The following ZDHHC11 variants were observed in gnomAD, a reference collection of about 807,000 sequenced individuals.
ZDHHC11 encodes palmitoyltransferase ZDHHC11.
In ZDHHC11, 44 loss-of-function variants were observed where a neutral mutation model predicts 51.3. The ratio of observed to expected loss-of-function variants is 0.86; its 90% CI spans 0.67 to 1.10. The LOEUF (loss-of-function observed/expected upper bound fraction) is 1.10, where lower values mean the gene tolerates loss of function less well. Ranked by LOEUF, ZDHHC11 falls within the 50% of genes least tolerant of loss-of-function variation. The pLI is 0.00. For synonymous variants in ZDHHC11, 163 were observed against 222.0 expected, an observed-to-expected ratio of 0.73 and a Z score of 2.36; for missense variants, 400 against 537.7, an observed-to-expected ratio of 0.74 and a Z score of 2.53.
intron 11 of ZDHHC11, among the ~76,000 whole-genome samples, chr5:813,570 C>T (rs942132982): frequency 1.1e-4 from 16 of 147,766 alleles, no homozygotes; most frequent in African/African-American, 4.1e-4. Flanking sequence ...TGAATAATGT[C>T]GGCCGTGTCA....
chr5:837,986 G>C (rs1244743723), intron 5 of ZDHHC11, among the ~76,000 whole-genome samples: 1 of 151,976 alleles, frequency 6.6e-6, no homozygotes, highest in African/African-American at 2.4e-5. Context: ...CACAGTCGGA[G>C]GACCACGCAG....
chr5:809,191 C>T (rs1739757994), intron 11 of ZDHHC11, among the ~76,000 whole-genome samples: 1 of 143,288 alleles, frequency 7.0e-6, no homozygotes, highest in Non-Finnish European at 1.5e-5. Context: ...CATCACATAA[C>T]TGTCTGCCCA....
chr5:803,665 T>C (rs1343180749), intron 11 of ZDHHC11, among the ~76,000 whole-genome samples: 3 of 151,176 alleles, frequency 2.0e-5, no homozygotes, highest in South Asian at 2.1e-4. Flanking sequence ...TCTGTGAAAG[T>C]TCAGACATTT....
chr5:858,505 C>A (rs1321177674), intron 1 of ZDHHC11, among the ~76,000 whole-genome samples: 1 of 152,202 alleles, frequency 6.6e-6, no homozygotes, highest in Admixed American at 6.5e-5. Flanking sequence ...CATCCCTGTC[C>A]TTCCTTTATG....
intron 4 of ZDHHC11, chr5:841,233 G>T: frequency 9.7e-7 from 1 of 1,027,676 alleles, no homozygotes; most frequent in South Asian, 3.3e-5. Context: ...TGCCGGCTCT[G>T]CCGGGCCCCA....
intron 10 of ZDHHC11, among the ~76,000 whole-genome samples, chr5:818,226 T>C (rs1741079487): frequency 6.7e-6 from 1 of 150,224 alleles, no homozygotes; most frequent in Admixed American, 6.6e-5. Context: ...CGGCAGCAGG[T>C]GTGCATGTGG....
chr5:852,189 G>A (rs1364556757), upstream of ZDHHC11, among the ~76,000 whole-genome samples: 1 of 152,128 alleles, frequency 6.6e-6, no homozygotes, highest in African/African-American at 2.4e-5. Flanking sequence ...CCAACAAACA[G>A]AAATGATGTC....
chr5:818,376 G>C (rs1453004740), intron 10 of ZDHHC11, among the ~76,000 whole-genome samples: 1 of 151,700 alleles, frequency 6.6e-6, no homozygotes, highest in Non-Finnish European at 1.5e-5. Flanking sequence ...GGAAGTGCAG[G>C]GAAGGGGCAA....
At chr5:860,486 C>A (rs1285533242), upstream of ZDHHC11, among the ~76,000 whole-genome samples, 1 of 152,098 alleles carries the variant, frequency 6.6e-6, no homozygotes, top group Non-Finnish European at 1.5e-5. This position sits in a 1 kb window ranked among gnomAD's most constrained non-coding sequence, Gnocchi z 4.2. Flanking sequence ...ACCTGCACAC[C>A]CTCCTCCACC....
chr5:807,589 C>G (rs1475922882), intron 11 of ZDHHC11, among the ~76,000 whole-genome samples: 2 of 151,844 alleles, frequency 1.3e-5, no homozygotes, highest in Non-Finnish European at 2.9e-5. Context: ...GGATCCAAAA[C>G]AAGGGGAAAG....
At chr5:841,653 C>G in intron 4 of ZDHHC11, 1 of 990,882 alleles carries the variant, frequency 1.0e-6, no homozygotes, top group Middle Eastern at 5.1e-4. Context: ...CAGCTGCCTT[C>G]AAATAGAACA....
chr5:816,693 G>T (rs1740846190), intron 10 of ZDHHC11: 5 of 598,812 alleles, frequency 8.3e-6, no homozygotes, highest in South Asian at 7.4e-5. Flanking sequence ...GCTTTGTGAT[G>T]ATGGGAATTC....
At chr5:841,397 C>T (rs1744922885) in intron 4 of ZDHHC11, 1 of 883,072 alleles carries the variant, frequency 1.1e-6, no homozygotes, top group Non-Finnish European at 1.3e-6. Context: ...CCCACCCCTT[C>T]CTCACTAAGT....
intron 11 of ZDHHC11, among the ~76,000 whole-genome samples, chr5:808,476 A>T: frequency 6.9e-6 from 1 of 144,224 alleles, no homozygotes; most frequent in Non-Finnish European, 1.5e-5. Flanking sequence ...AGACTCCCTC[A>T]CTCAGTTCCC....
rs1478940308 is a variant in ZDHHC11, at chr5:801,762, G to A, written c.1182-598C>T. On this transcript the variant is annotated intron_variant, in intron 11 of 12. Coordinates refer to ENST00000283441, the MANE Select transcript of ZDHHC11 (RefSeq NM_024786.3). ...CTTAACTTGCAACGCTGAATGTGTC[G>A]GGAATTAGACACCAGAAACACGCAA... is the stretch of plus-strand genomic sequence containing the variant. 6.0e-5 allele frequency among the ~76,000 whole-genome samples: 9 copies of A among 151,126 alleles called. 1 individual carries two copies. Among genetic ancestry groups the A allele is most frequent in the South Asian group, 2.1e-4 (1 of 4,782 alleles).
At chr5:798,342 A>G (rs1387608748) in intron 12 of ZDHHC11, among the ~76,000 whole-genome samples, 1 of 151,024 alleles carries the variant, frequency 6.6e-6, no homozygotes, top group East Asian at 2.0e-4. Flanking sequence ...AGAATTCCTT[A>G]TGTCTCCTCA....
intron 11 of ZDHHC11, among the ~76,000 whole-genome samples, chr5:802,872 A>AAAAAAAAAAAAC (rs1561228390): frequency 9.0e-6 from 1 of 110,646 alleles, no homozygotes; most frequent in African/African-American, 3.5e-5. Flanking sequence ...AAAAAAAAAA[A>AAAAAAAAAAAAC]AAGCTAAATG....
At chr5:816,557 A>T (rs1429105911) in intron 10 of ZDHHC11, 1 of 590,888 alleles carries the variant, frequency 1.7e-6, no homozygotes, top group Admixed American at 1.9e-5. Context: ...GGAAAAATAC[A>T]AATACGTGGA....
chr5:798,375 A>C (rs375780266), intron 12 of ZDHHC11, among the ~76,000 whole-genome samples: 2,198 of 150,832 alleles, frequency 0.015, 1 homozygote, highest in South Asian at 0.025. Context: ...CTTTAAGAAT[A>C]TTTACACTCG....
Sources: allele counts gnomAD v4.1 joint callset (sites outside exome capture counted in the v4.1 genomes callset), GRCh38; gene constraint gnomAD v4.1.1; non-coding constraint Gnocchi (gnomAD v3.1); transcripts MANE v1.5; gene names NCBI Gene and HGNC (gene_info 2026-07-23, HGNC 2026-07-21).